PARP9: variants seen among roughly 807,000 people sequenced by gnomAD.
PARP9 encodes protein mono-ADP-ribosyltransferase PARP9.
PARP9 carries 48 observed loss-of-function variants against 68.8 expected under a neutral mutation model. The observed-to-expected ratio is 0.70, with a 90% CI of 0.55 to 0.89. The LOEUF is 0.89. PARP9 is among the 40% of genes least tolerant of loss of function. The pLI is 0.00. For missense variants in PARP9, 806 were observed against 969.3 expected, an observed-to-expected ratio of 0.83 and a Z score of 2.24; for synonymous variants, 309 against 333.8, an observed-to-expected ratio of 0.93 and a Z score of 0.81.
intron 6 of PARP9, among the ~76,000 whole-genome samples, chr3:122,548,561 G>T (rs531018861): frequency 2.0e-5 from 3 of 152,276 alleles, no homozygotes; most frequent in South Asian, 4.1e-4. Flanking sequence ...AGCTAAGTGA[G>T]AATAAAGCAG....
In PARP9 at chr3:122,555,501, T is replaced by G. The variant is rs777220107; in HGVS notation, c.670A>C (p.Ile224Leu). Residue 224 changes from isoleucine to leucine, a missense_variant, in exon 4 of 11, where the codon ATC (isoleucine) becomes CTC (leucine). Coordinates refer to ENST00000682323, the MANE Select transcript of PARP9 (RefSeq NM_001146105.2). ...GGCTTCCCTTGCAAACTAACCCGGA[T>G]AGTCTCTACAATAGTCTTTGTACAC... is the stretch of plus-strand genomic sequence containing the variant. ...NLCTKTIVETIRVSLQGKPMM... is the reference protein window; with the variant it reads ...NLCTKTIVETLRVSLQGKPMM... 9 of 1,614,058 alleles carry G rather than the reference T, an allele frequency of 5.6e-6. No individual in the cohort carries two copies. The highest frequency in any genetic ancestry group is 7.6e-6 in the Non-Finnish European group (9 of 1,180,028).
intron 8 of PARP9, among the ~76,000 whole-genome samples, chr3:122,539,265 G>A (rs1267062745): frequency 6.6e-6 from 1 of 152,080 alleles, no homozygotes; most frequent in Admixed American, 6.6e-5. Flanking sequence ...GCCCTTCCCT[G>A]ACTTCCCAAG....
chr3:122,536,659 T>A, intron 9 of PARP9: 1 of 537,882 alleles, frequency 1.9e-6, no homozygotes. Flanking sequence ...CACAGTGTGA[T>A]AAATGCTATT....
chr3:122,563,262 A>G (rs2080392746), intron 1 of PARP9, among the ~76,000 whole-genome samples: 1 of 152,162 alleles, frequency 6.6e-6, no homozygotes, highest in Non-Finnish European at 1.5e-5. Context: ...TCCAGGGTGG[A>G]CTATCAGCCT....
intron 10 of PARP9, among the ~76,000 whole-genome samples, chr3:122,529,089 T>G (rs2077116037): frequency 6.6e-6 from 1 of 151,468 alleles, no homozygotes; most frequent in African/African-American, 2.4e-5. Context: ...ATACAAAAAT[T>G]TAGCCAGGTG....
intron 6 of PARP9, among the ~76,000 whole-genome samples, chr3:122,547,400 C>T (rs952081349): frequency 6.6e-6 from 1 of 151,916 alleles, no homozygotes; most frequent in Admixed American, 6.6e-5. Context: ...CGGCCCCCTA[C>T]GGCACTATTT....
intron 6 of PARP9, 103 bp from the exon 7 acceptor site, chr3:122,545,592 G>T: frequency 9.3e-7 from 1 of 1,075,794 alleles, no homozygotes. Flanking sequence ...CATCCACTCT[G>T]TCAGTCCCAT....
intron 6 of PARP9, 198 bp from the exon 7 acceptor site, chr3:122,545,687 A>G (rs1334165670): frequency 7.2e-6 from 4 of 559,022 alleles, no homozygotes; most frequent in African/African-American, 1.9e-5. Context: ...AAGAATAAGC[A>G]TAGGAAAAAT....
chr3:122,533,997 C>A (rs2077473312), intron 10 of PARP9: 1 of 985,440 alleles, frequency 1.0e-6, no homozygotes. Context: ...GTTAAGAGTT[C>A]TCTCTAGCCT....
intron 3 of PARP9, among the ~76,000 whole-genome samples, chr3:122,556,503 T>G (rs1037634878): frequency 1.3e-5 from 2 of 152,184 alleles, no homozygotes. Flanking sequence ...GCACAGGTAT[T>G]GGAAGGGACT....
intron 10 of PARP9, 98 bp from the exon 11 acceptor site, chr3:122,528,841 A>G (rs1358960505): frequency 2.5e-5 from 29 of 1,171,550 alleles, no homozygotes; most frequent in Non-Finnish European, 3.3e-5. Flanking sequence ...AGTCTTCCAA[A>G]TAATCACTTC....
At chr3:122,554,765 T>C (rs2079497071) in intron 4 of PARP9, among the ~76,000 whole-genome samples, 1 of 152,182 alleles carries the variant, frequency 6.6e-6, no homozygotes, top group Admixed American at 6.5e-5. Context: ...AAAGTCAAAG[T>C]CTTGCTCTGT....
Position 122,540,828 on chromosome 3 carries a change from T to C in PARP9, c.1409A>G (p.Lys470Arg), listed in dbSNP as rs767050928. 34 of 1,613,822 alleles carry C rather than the reference T, an allele frequency of 2.1e-5. 1 individual carries two copies. In the Middle Eastern group the frequency reaches 3.1e-3, roughly 149 times the overall value. ...YSVPQSTREEKRENGLEARSP... is the reference protein window; with the variant it reads ...YSVPQSTREERRENGLEARSP... ...TCTAGCTTCAAGCCCATTTTCTCTT[T>C]TCTCCTCTCTGGTTGACTGGGGGAC... The change falls in exon 8 of 11, where the codon AAA becomes AGA. Residue 470 changes from lysine (K) to arginine (R), a missense_variant. This residue lies in a region of PARP9 where 680 missense variants were observed against 858.8 expected (regional missense o/e 0.79). Transcript: ENST00000682323.
chr3:122,532,314 C>A, intron 10 of PARP9: 1 of 985,180 alleles, frequency 1.0e-6, no homozygotes, highest in Non-Finnish European at 1.2e-6. Flanking sequence ...GTGAAAGGCA[C>A]AGGAGACTGC....
chr3:122,547,112 C>CTTTTTT (rs35670026), intron 6 of PARP9, among the ~76,000 whole-genome samples: 5 of 104,042 alleles, frequency 4.8e-5, no homozygotes, highest in African/African-American at 1.1e-4. Flanking sequence ...ATTTTTTTTT[C>CTTTTTT]TTTTTTTTTT....
chr3:122,529,540 G>A (rs537788210), intron 10 of PARP9, among the ~76,000 whole-genome samples: 50 of 151,570 alleles, frequency 3.3e-4, no homozygotes, highest in African/African-American at 1.1e-3. Flanking sequence ...CACGAGGTCA[G>A]GAGATGGACA....
rs749112191 is a variant in PARP9, at chr3:122,540,849, G to A, written c.1388C>T (p.Pro463Leu). ...KMLSLNNYSV[P>L]QSTREEKREN... is the part of the protein sequence containing the mutation. ...TCTTTTCTCCTCTCTGGTTGACTGG[G>A]GGACTGAAATGACTATAATAAGCAA... Residue 463 changes from proline (P) to leucine (L), a missense_variant, in exon 8 of 11, where the codon CCC (proline) becomes CTC (leucine). Around this residue, in one of 2 missense-constraint regions of PARP9, gnomAD observed 680 missense variants for 858.8 expected, o/e 0.79. Transcript: ENST00000682323. 1 of 1,611,514 alleles carries A rather than the reference G, an allele frequency of 6.2e-7. No individual in the cohort carries two copies. The highest frequency in any genetic ancestry group is 8.5e-7 in the Non-Finnish European group (1 of 1,178,970).
At chr3:122,557,250 C>A (rs1404033169) in intron 3 of PARP9, among the ~76,000 whole-genome samples, 1 of 152,160 alleles carries the variant, frequency 6.6e-6, no homozygotes, top group African/African-American at 2.4e-5. Context: ...CTGGCCTACC[C>A]AACTTCTATT....
intron 10 of PARP9, chr3:122,532,277 A>G (rs141504318): frequency 1.0e-6 from 1 of 985,186 alleles, no homozygotes; most frequent in Non-Finnish European, 1.2e-6. Context: ...AAAGACATAG[A>G]GTGGCCTGTG....
Sources: allele counts gnomAD v4.1 joint callset (sites outside exome capture counted in the v4.1 genomes callset), GRCh38; gene constraint gnomAD v4.1.1; regional missense constraint gnomAD v4.1.1; transcripts MANE v1.5; gene names NCBI Gene and HGNC (gene_info 2026-07-23, HGNC 2026-07-21).